The following KCNB2 variants were observed in gnomAD, a reference collection of about 807,000 sequenced individuals.
KCNB2 encodes delayed rectifier potassium channel protein.
KCNB2 carries 15 observed loss-of-function variants against 61.5 expected under a neutral mutation model. The ratio of observed to expected loss-of-function variants is 0.24; its 90% CI spans 0.16 to 0.38. The LOEUF is 0.38. KCNB2 is among the 10% of genes least tolerant of loss of function. The pLI is 1.00. For missense variants in KCNB2, 828 were observed against 1,125.2 expected (o/e 0.74, Z 3.78); for synonymous variants, 457 against 446.0 (o/e 1.02, Z -0.31).
intron 1 of KCNB2, among the ~76,000 whole-genome samples, chr8:72,565,002 A>T (rs752023673): frequency 1.3e-5 from 2 of 152,186 alleles, no homozygotes; most frequent in Non-Finnish European, 2.9e-5. Context: ...AATACTGTAC[A>T]TGAAATAGAT....
chr8:72,889,962 G>T (rs141724650), intron 2 of KCNB2, among the ~76,000 whole-genome samples: 2 of 152,064 alleles, frequency 1.3e-5, no homozygotes, highest in Non-Finnish European at 2.9e-5. Flanking sequence ...CATCAGGCTG[G>T]TCTTGAACTC....
intron 2 of KCNB2, among the ~76,000 whole-genome samples, chr8:72,716,349 G>C (rs1225001934): frequency 6.6e-6 from 1 of 152,066 alleles, no homozygotes; most frequent in East Asian, 1.9e-4. Flanking sequence ...GCCTGGCAGA[G>C]ACACGACAAA....
chr8:72,841,210 T>C (rs2129002603), intron 2 of KCNB2, among the ~76,000 whole-genome samples: 1 of 152,190 alleles, frequency 6.6e-6, no homozygotes, highest in East Asian at 1.9e-4. Context: ...GATCAGATGG[T>C]TGTAGATGTG....
At chr8:72,648,053 T>G (rs539401258) in intron 2 of KCNB2, among the ~76,000 whole-genome samples, 1 of 152,130 alleles carries the variant, frequency 6.6e-6, no homozygotes, top group Non-Finnish European at 1.5e-5. Flanking sequence ...AGCCTTGAAC[T>G]TTTGCAAACG....
intron 2 of KCNB2, among the ~76,000 whole-genome samples, chr8:72,584,659 G>A (rs1463242255): frequency 6.6e-6 from 1 of 152,088 alleles, no homozygotes; most frequent in African/African-American, 2.4e-5. Flanking sequence ...TATGTATCAG[G>A]AAAACCACAG....
At chr8:72,763,622 G>A (rs890020154) in intron 2 of KCNB2, among the ~76,000 whole-genome samples, 12 of 152,158 alleles carry the variant, frequency 7.9e-5, no homozygotes, top group African/African-American at 2.9e-4. Context: ...AAATAATTTA[G>A]CATGGACATT....
chr8:72,685,238 A>G (rs974979202), intron 2 of KCNB2, among the ~76,000 whole-genome samples: 1 of 152,188 alleles, frequency 6.6e-6, no homozygotes, highest in Non-Finnish European at 1.5e-5. Flanking sequence ...GGCATTGGGG[A>G]AACATCACTC....
chr8:72,794,396 C>G (rs1012403830), intron 2 of KCNB2, among the ~76,000 whole-genome samples: 7 of 151,910 alleles, frequency 4.6e-5, no homozygotes, highest in African/African-American at 1.7e-4. Flanking sequence ...GAAACCCCGT[C>G]TCTACTAAAA....
At chr8:72,634,086 T>C (rs1006028652) in intron 2 of KCNB2, among the ~76,000 whole-genome samples, 4 of 152,208 alleles carry the variant, frequency 2.6e-5, no homozygotes, top group African/African-American at 9.6e-5. Flanking sequence ...TGGTTACCCA[T>C]CTAAATCTGG....
At chr8:72,903,015 A>G (rs1806114295) in intron 2 of KCNB2, among the ~76,000 whole-genome samples, 1 of 152,146 alleles carries the variant, frequency 6.6e-6, no homozygotes, top group Non-Finnish European at 1.5e-5. Context: ...CCTCTATTTT[A>G]TTTCTAATTC....
At chr8:72,881,815 C>A (rs1805711283) in intron 2 of KCNB2, 1 of 151,724 alleles carries the variant, frequency 6.6e-6, no homozygotes, top group Admixed American at 6.6e-5. Context: ...CCTGGCTGTC[C>A]CTTCAAGCAG....
At chr8:72,823,158 A>T (rs1210843941) in intron 2 of KCNB2, among the ~76,000 whole-genome samples, 1 of 152,148 alleles carries the variant, frequency 6.6e-6, no homozygotes, top group Non-Finnish European at 1.5e-5. Flanking sequence ...TCTCTGCCTC[A>T]TCTGGGATCT....
intron 2 of KCNB2, among the ~76,000 whole-genome samples, chr8:72,911,522 A>G (rs1420795836): frequency 6.6e-6 from 1 of 152,220 alleles, no homozygotes. Flanking sequence ...TTTAGCCAAG[A>G]CTGTACCATG....
intron 2 of KCNB2, among the ~76,000 whole-genome samples, chr8:72,603,348 G>T (rs1172804538): frequency 6.6e-6 from 1 of 152,054 alleles, no homozygotes; most frequent in African/African-American, 2.4e-5. Context: ...TTGCACTCTG[G>T]CTATACTGTT....
At chr8:72,646,622 AC>A (rs1222398760) in intron 2 of KCNB2, among the ~76,000 whole-genome samples, 9 of 152,204 alleles carry the variant, frequency 5.9e-5, no homozygotes, top group African/African-American at 2.2e-4. Context: ...TAGGTCAGAC[AC>A]AAAAGGGCAA....
At chr8:72,786,084 C>T (rs537666322) in intron 2 of KCNB2, among the ~76,000 whole-genome samples, 97 of 150,682 alleles carry the variant, frequency 6.4e-4, no homozygotes, top group African/African-American at 2.1e-3. Flanking sequence ...AGACTTCACT[C>T]GCATTTTCAC....
chr8:72,700,649 A>T (rs1349552153), intron 2 of KCNB2, among the ~76,000 whole-genome samples: 1 of 152,188 alleles, frequency 6.6e-6, no homozygotes, highest in Non-Finnish European at 1.5e-5. Flanking sequence ...AATTTAAATT[A>T]GTTCAGCCTC....
chr8:72,750,317 T>A (rs902481116), intron 2 of KCNB2: 1 of 152,210 alleles, frequency 6.6e-6, no homozygotes, highest in African/African-American at 2.4e-5. Flanking sequence ...TTCCAGTCAC[T>A]TGCTGTTATC....
chr8:72,776,645 T>C (rs1477758706), intron 2 of KCNB2, among the ~76,000 whole-genome samples: 1 of 152,174 alleles, frequency 6.6e-6, no homozygotes, highest in East Asian at 1.9e-4. Context: ...GGGTAGGGAC[T>C]TGAGGGCTAG....
Sources: gnomAD v4.1 joint callset for allele counts (sites outside exome capture counted in the v4.1 genomes callset) on GRCh38, gnomAD v4.1.1 for gene constraint, MANE v1.5 for transcripts, NCBI Gene and HGNC (gene_info 2026-07-23, HGNC 2026-07-21) for gene names.